GALNT14: variants seen among roughly 807,000 people sequenced by gnomAD.
The protein encoded by GALNT14 is UDP-GalNAc:polypeptide N-acetylgalactosaminyltransferase 14.
In GALNT14, 60 loss-of-function variants were observed where a neutral mutation model predicts 77.5. That is an observed-to-expected ratio of 0.77 (90% CI 0.63 to 0.96). The LOEUF is 0.96. GALNT14 is among the 40% of genes least tolerant of loss of function. The pLI is 0.00. For synonymous variants in GALNT14, 280 were observed against 281.7 expected, an observed-to-expected ratio of 0.99 and a Z score of 0.06; for missense variants, 710 against 731.0, an observed-to-expected ratio of 0.97 and a Z score of 0.33.
At chr2:31,134,435 G>C (rs1679133112) in intron 1 of GALNT14, among the ~76,000 whole-genome samples, 1 of 150,438 alleles carries the variant, frequency 6.6e-6, no homozygotes. Context: ...CTACAGCACG[G>C]AACTCACTCA....
intron 3 of GALNT14, among the ~76,000 whole-genome samples, chr2:30,961,968 C>T (rs192682940): frequency 1.3e-5 from 2 of 152,252 alleles, no homozygotes; most frequent in East Asian, 1.9e-4. Flanking sequence ...GTTGGGATTA[C>T]AGACATGAGC....
intron 1 of GALNT14, among the ~76,000 whole-genome samples, chr2:31,113,323 G>C (rs533777788): frequency 1.8e-4 from 28 of 152,284 alleles, no homozygotes; most frequent in Non-Finnish European, 3.7e-4. Flanking sequence ...GGGCTGGGTG[G>C]AGAAGGTCAT....
chr2:31,013,558 T>C (rs1671169524), intron 1 of GALNT14, among the ~76,000 whole-genome samples: 1 of 152,156 alleles, frequency 6.6e-6, no homozygotes, highest in Admixed American at 6.5e-5. Context: ...CAGAAGCATT[T>C]TAACCTGCTG....
intron 1 of GALNT14, among the ~76,000 whole-genome samples, chr2:31,115,206 A>G (rs1165841657): frequency 1.3e-5 from 2 of 152,066 alleles, no homozygotes; most frequent in South Asian, 2.1e-4. Context: ...AGCTATCACC[A>G]TGCCATTATA....
intron 13 of GALNT14, among the ~76,000 whole-genome samples, chr2:30,918,190 C>T (rs530457862): frequency 6.6e-6 from 1 of 152,314 alleles, no homozygotes; most frequent in East Asian, 1.9e-4. Context: ...TCCTTTCCTC[C>T]CATGTGGCAA....
At chr2:30,898,135 C>G in the GALNT14 span, among the ~76,000 whole-genome samples, 1 of 152,110 alleles carries the variant, frequency 6.6e-6, no homozygotes, top group Non-Finnish European at 1.5e-5. Flanking sequence ...TAAAAGGGAC[C>G]CCCAGAGAGT....
At chr2:30,910,237 C>G (rs1664279389), downstream of GALNT14, among the ~76,000 whole-genome samples, 1 of 151,958 alleles carries the variant, frequency 6.6e-6, no homozygotes, top group African/African-American at 2.4e-5. Flanking sequence ...AACCCCTGAT[C>G]TGGTCCCACT....
At chr2:31,075,155 T>C (rs1387570397) in intron 1 of GALNT14, among the ~76,000 whole-genome samples, 1 of 152,200 alleles carries the variant, frequency 6.6e-6, no homozygotes, top group Non-Finnish European at 1.5e-5. Context: ...CTGTTCTCTT[T>C]GCTCCTGCTC....
rs374108669 is a variant in GALNT14, at chr2:31,068,646, G to A, written c.129+69312C>T. Among the ~76,000 whole-genome samples, 15 of 152,228 alleles carry A rather than the reference G, an allele frequency of 9.9e-5. No homozygotes were observed. The East Asian group carries it at 2.5e-3, about 25-fold the overall frequency. On this transcript the variant is annotated intron_variant, in intron 1 of 14. Coordinates refer to ENST00000349752, the MANE Select transcript of GALNT14 (RefSeq NM_024572.4). The stretch of plus-strand genomic sequence containing the variant: ...GAGACAGTTCTGGGATAACCTTTCT[G>A]AACAGAGCAGCTCACCACTGCCCCG...
chr2:30,944,156 G>C (rs1458476355), intron 8 of GALNT14, among the ~76,000 whole-genome samples: 2 of 152,138 alleles, frequency 1.3e-5, no homozygotes, highest in Non-Finnish European at 2.9e-5. Flanking sequence ...CTGGTTTACT[G>C]TCCAGTAGGT....
chr2:31,066,258 C>A (rs922848071), intron 1 of GALNT14, among the ~76,000 whole-genome samples: 1 of 152,178 alleles, frequency 6.6e-6, no homozygotes, highest in African/African-American at 2.4e-5. Flanking sequence ...AGGGCATTAC[C>A]ATTAAGGGAG....
intron 1 of GALNT14, among the ~76,000 whole-genome samples, chr2:31,059,736 G>T (rs982933279): frequency 6.6e-6 from 1 of 152,058 alleles, no homozygotes; most frequent in East Asian, 1.9e-4. Context: ...TGATAAAGAG[G>T]CCCAAGAGAG....
At chr2:30,969,512 G>A (rs969179942) in intron 2 of GALNT14, among the ~76,000 whole-genome samples, 3 of 152,190 alleles carry the variant, frequency 2.0e-5, no homozygotes, top group Non-Finnish European at 2.9e-5. Context: ...TGAGGAGGCA[G>A]GTATATTGAC....
intron 11 of GALNT14, among the ~76,000 whole-genome samples, chr2:30,928,848 C>A (rs57976918): frequency 6.6e-6 from 1 of 152,124 alleles, no homozygotes; most frequent in African/African-American, 2.4e-5. Context: ...GACTCCTGAC[C>A]TTGTGATTCA....
chr2:30,931,913 G>A (rs1397295733), intron 10 of GALNT14, among the ~76,000 whole-genome samples, 155 bp downstream of exon 10: 1 of 151,972 alleles, frequency 6.6e-6, no homozygotes, highest in East Asian at 1.9e-4. Flanking sequence ...CCCTATCCAA[G>A]CAGAGTCTGG....
chr2:30,902,781 C>G, the GALNT14 span, among the ~76,000 whole-genome samples: 1 of 152,104 alleles, frequency 6.6e-6, no homozygotes, highest in East Asian at 1.9e-4. Context: ...AAGTTTCTTG[C>G]CACCAGGGAG....
intron 1 of GALNT14, among the ~76,000 whole-genome samples, chr2:31,054,675 C>T (rs1558530392): frequency 1.3e-5 from 2 of 152,186 alleles, no homozygotes. Flanking sequence ...TCAATATATT[C>T]CAAAGCCTAA....
intron 1 of GALNT14, among the ~76,000 whole-genome samples, chr2:31,050,042 A>T (rs1673741250): frequency 6.6e-6 from 1 of 152,154 alleles, no homozygotes; most frequent in South Asian, 2.1e-4. Flanking sequence ...TTCTCTGACC[A>T]CAAAGAGCTT....
rs912578108 is a variant in GALNT14, at chr2:30,987,723, C to T, written c.299+5115G>A. Among the ~76,000 whole-genome samples the T allele has an allele frequency of 1.0e-3, 150 of 146,912 alleles. 1 individual carries two copies. The highest frequency in any genetic ancestry group is 7.5e-3 in the Admixed American group (110 of 14,678). On this transcript the variant is annotated intron_variant, in intron 2 of 14. Coordinates refer to ENST00000349752, the MANE Select transcript of GALNT14 (RefSeq NM_024572.4). ...CTTCCTCCTCCCTCCCCCTCCTCCC[C>T]CTCCTCCCCCTCCTCCCCCACCTGC...
Sources: gnomAD v4.1 joint callset for allele counts (sites outside exome capture counted in the v4.1 genomes callset) on GRCh38, gnomAD v4.1.1 for gene constraint, MANE v1.5 for transcripts, NCBI Gene and HGNC (gene_info 2026-07-23, HGNC 2026-07-21) for gene names.